Variants in TNPO3 observed in about 807,000 individuals in gnomAD.
TNPO3 encodes the protein transportin 3, also known as transportin-3.
In TNPO3, 65 loss-of-function variants were observed where a neutral mutation model predicts 122.8. The observed-to-expected ratio is 0.53, with a 90% CI of 0.43 to 0.65. The LOEUF (loss-of-function observed/expected upper bound fraction) is 0.65. Ranked by LOEUF, TNPO3 falls within the 30% of genes least tolerant of loss-of-function variation. TNPO3 has a pLI of 0.00. For synonymous variants in TNPO3, 372 were observed against 411.2 expected, an observed-to-expected ratio of 0.90 and a Z score of 1.15; for missense variants, 850 against 1,136.7, an observed-to-expected ratio of 0.75 and a Z score of 3.63.
At chr7:128,965,630 G>T (rs1422892386) in intron 21 of TNPO3, among the ~76,000 whole-genome samples, 1 of 152,200 alleles carries the variant, frequency 6.6e-6, no homozygotes, top group African/African-American at 2.4e-5. Context: ...GGGGCTGAAA[G>T]AGATATTTGT....
intron 5 of TNPO3, among the ~76,000 whole-genome samples, chr7:129,001,784 C>G (rs939832841): frequency 6.6e-6 from 1 of 152,210 alleles, no homozygotes; most frequent in African/African-American, 2.4e-5. Context: ...GCCTTTCTGT[C>G]CCGAAGTCAT....
chr7:128,993,701 C>T (rs903621522), intron 9 of TNPO3, 106 bp downstream of exon 9: 100 of 943,326 alleles, frequency 1.1e-4, no homozygotes, highest in Non-Finnish European at 1.3e-4. Context: ...TTATCTCATT[C>T]AGCCACTAAA....
Position 128,955,140 on chromosome 7 carries a change from C to T in TNPO3, c.*277G>A. On this transcript the variant is annotated 3_prime_UTR_variant, in exon 23 of 23. Coordinates refer to ENST00000265388, the MANE Select transcript of TNPO3 (RefSeq NM_012470.4). ...TTATTTTTCCTTTTAGAAAGTTCAC[C>T]AGGAAACCAGCTCCCCTCCCACCAC... is the stretch of plus-strand genomic sequence containing the variant. 7 of 295,388 alleles carry T rather than the reference C, an allele frequency of 2.4e-5. No individual in the cohort carries two copies. Among genetic ancestry groups the T allele is most frequent in the East Asian group, 2.4e-4 (2 of 8,242 alleles). The allele number at this position is 295,388 out of a possible 1,614,324, so 18.3% of individuals were successfully genotyped here.
chr7:129,013,042 G>A (rs377714672), intron 4 of TNPO3, among the ~76,000 whole-genome samples: 1 of 152,072 alleles, frequency 6.6e-6, no homozygotes, highest in Non-Finnish European at 1.5e-5. Context: ...TCCATAATGC[G>A]ATACTCCTCA....
chr7:128,988,183 C>T (rs1162535095), intron 11 of TNPO3, among the ~76,000 whole-genome samples: 1 of 152,000 alleles, frequency 6.6e-6, no homozygotes, highest in Non-Finnish European at 1.5e-5. Context: ...CGCCTGTTGG[C>T]CAGGTTGGTC....
intron 19 of TNPO3, among the ~76,000 whole-genome samples, chr7:128,971,438 G>A (rs962343719): frequency 1.3e-5 from 2 of 152,174 alleles, no homozygotes; most frequent in South Asian, 2.1e-4. Flanking sequence ...GAGCCACTGC[G>A]CCTGGCCCTT....
intron 1 of TNPO3, among the ~76,000 whole-genome samples, chr7:129,026,056 G>C (rs931735219): frequency 6.6e-6 from 1 of 151,584 alleles, no homozygotes; most frequent in Non-Finnish European, 1.5e-5. Context: ...AACCTGGGAG[G>C]GGAAGGTTGC....
upstream of TNPO3, chr7:129,056,051 G>T: frequency 8.6e-7 from 1 of 1,157,936 alleles, no homozygotes; most frequent in Non-Finnish European, 1.3e-6. Context: ...TCGTGGGGAG[G>T]AACTGGAAGA....
intron 16 of TNPO3, among the ~76,000 whole-genome samples, chr7:128,977,753 C>T (rs552497792): frequency 6.6e-6 from 1 of 152,172 alleles, no homozygotes; most frequent in African/African-American, 2.4e-5. Flanking sequence ...CCTGCCACTG[C>T]GCCTGGCTAA....
At chr7:128,970,079 G>T in intron 20 of TNPO3, 69 bp downstream of exon 20, 1 of 1,586,332 alleles carries the variant, frequency 6.3e-7, no homozygotes, top group Non-Finnish European at 8.6e-7. Flanking sequence ...AATTAGGGTT[G>T]GCCTTAAGGA....
rs1358892315 is a variant in TNPO3 at position 128,986,922 on chromosome 7, TAAG to T, written c.1499-5_1499-3del. 3 of 1,601,108 alleles carry T rather than the reference TAAG, an allele frequency of 1.9e-6. No homozygotes were observed. The highest frequency in any genetic ancestry group is 2.6e-6 in the Non-Finnish European group (3 of 1,175,412). On this transcript the variant is annotated splice_polypyrimidine_tract_variant and splice_region_variant and intron_variant, in intron 11 of 22. Coordinates refer to ENST00000265388, the MANE Select transcript of TNPO3 (RefSeq NM_012470.4). ...TCATCAAATAGCCCAACACAGGGTC[TAAG>T]AAGAAAAGCCAAGCAGAGATTACAT...
At chr7:128,957,888 A>G (rs1315651927) in intron 21 of TNPO3, among the ~76,000 whole-genome samples, 1 of 152,022 alleles carries the variant, frequency 6.6e-6, no homozygotes, top group Non-Finnish European at 1.5e-5. Context: ...TGGGAGGAGG[A>G]GGGAGAGAGG....
chr7:129,038,196 G>A (rs1806927647), intron 1 of TNPO3, among the ~76,000 whole-genome samples: 1 of 152,158 alleles, frequency 6.6e-6, no homozygotes, highest in Non-Finnish European at 1.5e-5. Flanking sequence ...GAGGATGCCA[G>A]AAGACATGGA....
At chr7:128,975,725 G>A in intron 17 of TNPO3, 94 bp downstream of exon 17, 4 of 781,726 alleles carry the variant, frequency 5.1e-6, no homozygotes, top group Non-Finnish European at 8.6e-6. Context: ...AAAACATAAA[G>A]AAGCAACAGA....
At chr7:129,028,758 T>C (rs985072774) in intron 1 of TNPO3, 1 of 239,368 alleles carries the variant, frequency 4.2e-6, no homozygotes, top group African/African-American at 2.3e-5. Flanking sequence ...ATGTTTCCAC[T>C]GCTGCTCTGA....
chr7:128,976,525 G>C (rs1799074428), intron 16 of TNPO3, among the ~76,000 whole-genome samples: 1 of 151,984 alleles, frequency 6.6e-6, no homozygotes, highest in African/African-American at 2.4e-5. Context: ...CCAGGCTGGA[G>C]TGCAGTGGTG....
intron 1 of TNPO3, among the ~76,000 whole-genome samples, chr7:129,044,262 G>C (rs62478615): frequency 0.09 from 13,760 of 152,148 alleles, 865 homozygotes; most frequent in South Asian, 0.15. Context: ...ATGGAGCCTT[G>C]CTCAAAACAT....
At chr7:129,042,694 A>G (rs568777512) in intron 1 of TNPO3, among the ~76,000 whole-genome samples, 8 of 152,264 alleles carry the variant, frequency 5.3e-5, no homozygotes, top group Non-Finnish European at 1.0e-4. Flanking sequence ...GTTTGAAAGG[A>G]TACTAATTAA....
intron 3 of TNPO3, among the ~76,000 whole-genome samples, chr7:129,015,692 G>C (rs910719072): frequency 6.6e-6 from 1 of 151,990 alleles, no homozygotes; most frequent in African/African-American, 2.4e-5. Context: ...AATCAGCCAG[G>C]CATGGTGGTA....
Sources: gnomAD v4.1 joint callset for allele counts (sites outside exome capture counted in the v4.1 genomes callset) on GRCh38, gnomAD v4.1.1 for gene constraint, MANE v1.5 for transcripts, NCBI Gene and HGNC (gene_info 2026-07-23, HGNC 2026-07-21) for gene names.